TMEM130: variants seen among roughly 807,000 people sequenced by gnomAD.
TMEM130 encodes transmembrane protein 130.
In TMEM130, 37 loss-of-function variants were observed where a neutral mutation model predicts 42.9. That is an observed-to-expected ratio of 0.86 (90% confidence interval 0.66 to 1.13). The LOEUF (loss-of-function observed/expected upper bound fraction) is 1.13. Among genes scored for constraint, TMEM130 ranks in the 50% most tolerant of loss-of-function variants. TMEM130 has a pLI of 0.00. For missense variants in TMEM130, 545 were observed against 562.6 expected, an observed-to-expected ratio of 0.97 and a Z score of 0.32; for synonymous variants, 259 against 237.7, an observed-to-expected ratio of 1.09 and a Z score of -0.82.
At chr7:98,856,338 G>C (rs1284695763) in intron 3 of TMEM130, among the ~76,000 whole-genome samples, 155 bp from the exon 4 acceptor site, 3 of 152,138 alleles carry the variant, frequency 2.0e-5, no homozygotes, top group Non-Finnish European at 4.4e-5. Flanking sequence ...TCACAGCCTA[G>C]AGCCAGCCAG....
At chr7:98,868,373 C>T (rs1275092570) in intron 1 of TMEM130, among the ~76,000 whole-genome samples, 1 of 152,200 alleles carries the variant, frequency 6.6e-6, no homozygotes, top group African/African-American at 2.4e-5. Flanking sequence ...AGAGATGGGG[C>T]ACTCACCCCA....
intron 4 of TMEM130, 87 bp downstream of exon 4, chr7:98,855,930 G>A: frequency 1.4e-6 from 2 of 1,455,392 alleles, no homozygotes; most frequent in Non-Finnish European, 1.8e-6. Context: ...GACAGGGCGT[G>A]AGTCCAGCCC....
At chr7:98,852,168 T>A (rs1228775796) in intron 5 of TMEM130, among the ~76,000 whole-genome samples, 2 of 152,104 alleles carry the variant, frequency 1.3e-5, no homozygotes, top group Non-Finnish European at 2.9e-5. Context: ...AGAGATGGTG[T>A]CTCACTCTGT....
At chr7:98,858,530 A>G (rs1794684576) in intron 3 of TMEM130, among the ~76,000 whole-genome samples, 1 of 151,988 alleles carries the variant, frequency 6.6e-6, no homozygotes, top group South Asian at 2.1e-4. Flanking sequence ...TGACAGAGCA[A>G]GACCTTGTCT....
chr7:98,860,124 G>C (rs978949000), intron 3 of TMEM130, 55 bp downstream of exon 3: 67 of 1,558,632 alleles, frequency 4.3e-5, no homozygotes, highest in Non-Finnish European at 5.7e-5. Context: ...CACAGTGCGC[G>C]GGACAGTGGG....
chr7:98,850,777 A>C (rs142995391), intron 6 of TMEM130, among the ~76,000 whole-genome samples: 60 of 152,246 alleles, frequency 3.9e-4, no homozygotes, highest in African/African-American at 1.3e-3. Context: ...GAGTAGAGTT[A>C]CTGTTGGGGA....
chr7:98,856,195 C>T lies in TMEM130; in HGVS notation c.552-12G>A, dbSNP rs781959131. On this transcript the variant is annotated splice_polypyrimidine_tract_variant and intron_variant, in intron 3 of 7. Transcript: ENST00000339375. ...TCACCATCTGGGTCCTGTTAGGAGACAGGGAGGAGAGAGGAGGAAGACAGC... is the reference window on the plus strand; with the variant it reads ...TCACCATCTGGGTCCTGTTAGGAGATAGGGAGGAGAGAGGAGGAAGACAGC... The T allele has an allele frequency of 6.2e-7, 1 of 1,612,060 alleles. No individual in the cohort carries two copies. Among genetic ancestry groups the T allele is most frequent in the East Asian group, 2.2e-5 (1 of 44,850 alleles).
intron 3 of TMEM130, among the ~76,000 whole-genome samples, 186 bp from the exon 4 acceptor site, chr7:98,856,369 A>G (rs1301852277): frequency 1.3e-5 from 2 of 152,140 alleles, no homozygotes; most frequent in African/African-American, 4.8e-5. Flanking sequence ...CAGCTGGCCC[A>G]TTTTCCAGAT....
At chr7:98,867,724 G>C (rs1025163992) in intron 1 of TMEM130, among the ~76,000 whole-genome samples, 2 of 152,112 alleles carry the variant, frequency 1.3e-5, no homozygotes, top group Non-Finnish European at 2.9e-5. Context: ...GGAGCCCGCC[G>C]ACTCCCCCAC....
Position 98,869,631 on chromosome 7 carries a change from G to T in TMEM130, c.85+146C>A. 1.5e-6 allele frequency: 1 copy of T among 672,088 alleles called. No homozygotes were observed. Among genetic ancestry groups the T allele is most frequent in the Non-Finnish European group, 2.2e-6 (1 of 450,130 alleles). 41.6% of individuals were successfully genotyped at this position (672,088 alleles called of 1,614,324 possible). ...AAAGGAGAGGGGAAAGGGCGCTGCAGTGGCCTCAGCCGAGGAGGGAGATGC... is the reference window on the plus strand; with the variant it reads ...AAAGGAGAGGGGAAAGGGCGCTGCATTGGCCTCAGCCGAGGAGGGAGATGC... On this transcript the variant is annotated intron_variant, in intron 1 of 7. Coordinates refer to ENST00000339375, the MANE Select transcript of TMEM130 (RefSeq NM_152913.3). This position sits in a 1 kb window ranked among gnomAD's most constrained non-coding sequence, Gnocchi z 4.7.
chr7:98,864,573 T>C (rs1185073355), intron 1 of TMEM130, among the ~76,000 whole-genome samples: 2 of 151,528 alleles, frequency 1.3e-5, no homozygotes, highest in Non-Finnish European at 2.9e-5. Flanking sequence ...ATTCCTCCTC[T>C]CCTCACTCCT....
chr7:98,850,271 A>ATTTTT (rs1290884464), intron 6 of TMEM130, among the ~76,000 whole-genome samples: 4 of 33,880 alleles, frequency 1.2e-4, no homozygotes, highest in African/African-American at 3.1e-4. Flanking sequence ...ATATATATAT[A>ATTTTT]TATTTTTTTT....
At chr7:98,851,940 C>T (rs1428434801) in intron 5 of TMEM130, among the ~76,000 whole-genome samples, 1 of 151,934 alleles carries the variant, frequency 6.6e-6, no homozygotes, top group Non-Finnish European at 1.5e-5. Flanking sequence ...TAAGCACATC[C>T]CCCTTTTTGT....
At chr7:98,859,914 C>A (rs1322001334) in intron 3 of TMEM130, among the ~76,000 whole-genome samples, 3 of 151,422 alleles carry the variant, frequency 2.0e-5, no homozygotes, top group African/African-American at 4.9e-5. Flanking sequence ...AAAAAAAATA[C>A]AAAAATTAGC....
Position 98,851,450 on chromosome 7 carries a change from T to C in TMEM130, c.977A>G (p.Gln326Arg). 1 of 1,614,074 alleles carries C rather than the reference T, an allele frequency of 6.2e-7. No homozygotes were observed. The highest frequency in any genetic ancestry group is 8.5e-7 in the Non-Finnish European group (1 of 1,180,006). The change falls in exon 6 of 8, where the codon CAG becomes CGG. Residue 326 changes from glutamine (Q) to arginine (R), a missense_variant. Coordinates refer to ENST00000339375, the MANE Select transcript of TMEM130 (RefSeq NM_152913.3). ...RAENIISKTH[Q>R]YHKIQVWPSR... ...GGGCCACACCTGGATCTTGTGGTAC[T>C]GATGTGTCTTGCTGATGATATTCTC...
At chr7:98,849,541 G>A (rs895036797) in intron 6 of TMEM130, among the ~76,000 whole-genome samples, 1 of 152,182 alleles carries the variant, frequency 6.6e-6, no homozygotes, top group Non-Finnish European at 1.5e-5. Flanking sequence ...GTGACCTGAT[G>A]ATGCCCACAA....
intron 1 of TMEM130, among the ~76,000 whole-genome samples, chr7:98,867,537 G>A (rs1438260850): frequency 6.6e-6 from 1 of 152,162 alleles, no homozygotes; most frequent in Non-Finnish European, 1.5e-5. Context: ...AGGGACATTC[G>A]GCTGCATGCT....
At chr7:98,859,734 T>A (rs4727422) in intron 3 of TMEM130, among the ~76,000 whole-genome samples, 57,177 of 146,940 alleles carry the variant, frequency 0.39, 11,962 homozygotes, top group African/African-American at 0.56. Flanking sequence ...ATAAATAAAT[T>A]AATTAATTAA....
In TMEM130 at chr7:98,860,282, AGCTGG is replaced by A; in HGVS notation, c.443_447del (p.Pro148LeufsTer5). On this transcript the variant is annotated frameshift_variant, in exon 3 of 8. Coordinates refer to ENST00000339375, the MANE Select transcript of TMEM130 (RefSeq NM_152913.3). LOFTEE classifies it high-confidence loss of function. ...TTCAGGACGGTCTTAGTGAGATAGG[AGCTGG>A]GCCAGGGTAGGGAAGTGTTCTGGGT... 1 of 1,612,940 alleles carries A rather than the reference AGCTGG, an allele frequency of 6.2e-7. No homozygotes were observed. Among genetic ancestry groups the A allele is most frequent in the Non-Finnish European group, 8.5e-7 (1 of 1,179,408 alleles).
Sources: allele counts gnomAD v4.1 joint callset (sites outside exome capture counted in the v4.1 genomes callset), GRCh38; gene constraint gnomAD v4.1.1; non-coding constraint Gnocchi (gnomAD v3.1); transcripts MANE v1.5; gene names NCBI Gene and HGNC (gene_info 2026-07-23, HGNC 2026-07-21).